CELF2: variants seen among roughly 807,000 people sequenced by gnomAD.
The protein encoded by CELF2 is CUG triplet repeat RNA-binding protein 2.
A neutral mutation model predicts 62.6 loss-of-function variants in CELF2; 8 were observed. The observed-to-expected ratio is 0.13, with a 90% CI of 0.07 to 0.23. CELF2 has a LOEUF of 0.23. Ranked by LOEUF, CELF2 falls within the 10% of genes least tolerant of loss-of-function variation. The pLI, the probability that CELF2 is intolerant of heterozygous loss-of-function variation, is 1.00. For missense variants in CELF2, 333 were observed against 671.0 expected (o/e 0.50, Z 5.56); for synonymous variants, 258 against 250.0 (o/e 1.03, Z -0.30).
At chr10:10,779,665 G>A in the CELF2 span, among the ~76,000 whole-genome samples, 1 of 152,134 alleles carries the variant, frequency 6.6e-6, no homozygotes, top group Non-Finnish European at 1.5e-5. Flanking sequence ...ATTATTTTAA[G>A]GAGATGCTCA....
chr10:11,151,084 A>G (rs1393063425), intron 1 of CELF2, among the ~76,000 whole-genome samples: 2 of 152,222 alleles, frequency 1.3e-5, no homozygotes, highest in African/African-American at 4.8e-5. Context: ...GTTGGTGAGA[A>G]AGGCATGCTG....
Position 11,157,933 on chromosome 10 carries a change from C to T in CELF2, c.75-7553C>T, listed in dbSNP as rs958590774. ...ACCTAGTCTGCAGGGAATCAGATGT[C>T]GTGTGTCTTTCGTTTGCCCCCCTTG... On this transcript the variant is annotated intron_variant, in intron 1 of 12. Transcript: ENST00000633077. This position sits in a 1 kb window ranked among gnomAD's most constrained non-coding sequence, Gnocchi z 4.9. Among the ~76,000 whole-genome samples, 2 of 152,202 alleles carry T rather than the reference C, an allele frequency of 1.3e-5. No individual in the cohort carries two copies. Among genetic ancestry groups the T allele is most frequent in the African/African-American group, 4.8e-5 (2 of 41,440 alleles).
the CELF2 span, among the ~76,000 whole-genome samples, chr10:10,540,866 A>G: frequency 6.6e-6 from 1 of 152,294 alleles, no homozygotes; most frequent in South Asian, 2.1e-4. Context: ...AAAGGAATTC[A>G]GTATCCTGAC....
At chr10:10,691,893 G>A in the CELF2 span, among the ~76,000 whole-genome samples, 1 of 150,034 alleles carries the variant, frequency 6.7e-6, no homozygotes, top group African/African-American at 2.5e-5. Context: ...GTTCATTGTA[G>A]ATTCTGGATA....
the CELF2 span, among the ~76,000 whole-genome samples, chr10:10,535,423 G>A: frequency 3.3e-5 from 5 of 152,134 alleles, no homozygotes; most frequent in East Asian, 1.9e-4. Flanking sequence ...TTGTCCCTTC[G>A]ATTAGGAAGG....
the CELF2 span, among the ~76,000 whole-genome samples, chr10:10,576,078 T>C: frequency 2.6e-5 from 4 of 152,236 alleles, no homozygotes; most frequent in African/African-American, 9.6e-5. Context: ...ATTTCAGGCA[T>C]CTGGCTGCTG....
chr10:10,792,362 G>C, the CELF2 span: 1 of 398,196 alleles, frequency 2.5e-6, no homozygotes, highest in African/African-American at 2.1e-5. Flanking sequence ...GGTAATAATG[G>C]AAGGCCTACC....
At chr10:10,714,255 C>G in the CELF2 span, among the ~76,000 whole-genome samples, 10 of 152,302 alleles carry the variant, frequency 6.6e-5, no homozygotes, top group Admixed American at 1.3e-4. Flanking sequence ...ATGTATACCA[C>G]TGTTATTTCG....
chr10:10,653,210 C>T, the CELF2 span, among the ~76,000 whole-genome samples: 5 of 152,284 alleles, frequency 3.3e-5, no homozygotes, highest in South Asian at 4.2e-4. Context: ...AACCAAGATT[C>T]ATAAAGCAAG....
intron 1 of CELF2, among the ~76,000 whole-genome samples, chr10:11,052,349 T>C (rs1436117057): frequency 1.3e-5 from 2 of 152,226 alleles, no homozygotes; most frequent in African/African-American, 4.8e-5. Flanking sequence ...CAAAGTTAGT[T>C]CAGATAATTC....
At chr10:11,122,616 G>C (rs955692126) in intron 1 of CELF2, among the ~76,000 whole-genome samples, 1 of 152,196 alleles carries the variant, frequency 6.6e-6, no homozygotes, top group Non-Finnish European at 1.5e-5. Context: ...ACGGTTATTA[G>C]GATTTGAGTT....
At chr10:11,108,579 A>G (rs540516696) in intron 1 of CELF2, among the ~76,000 whole-genome samples, 111 of 152,210 alleles carry the variant, frequency 7.3e-4, no homozygotes, top group Middle Eastern at 3.4e-3. Flanking sequence ...GGGAGGGTTC[A>G]TCTGGTTCTG....
intron 2 of CELF2, among the ~76,000 whole-genome samples, chr10:10,988,311 A>C (rs1289294024): frequency 6.6e-6 from 1 of 151,856 alleles, no homozygotes; most frequent in Non-Finnish European, 1.5e-5. Context: ...AGAGAGAGAG[A>C]GAGCATGGAA....
chr10:10,506,309 T>C, the CELF2 span, among the ~76,000 whole-genome samples: 1 of 146,392 alleles, frequency 6.8e-6, no homozygotes, highest in Admixed American at 6.8e-5. Context: ...TGTATCTGTG[T>C]CTGTGTCTAT....
At chr10:10,522,454 G>A in the CELF2 span, among the ~76,000 whole-genome samples, 26 of 152,240 alleles carry the variant, frequency 1.7e-4, no homozygotes, top group South Asian at 2.5e-3. Context: ...AGGAATCACC[G>A]GAACCATGTT....
chr10:10,927,792 T>C (rs2065678549), intron 2 of CELF2, among the ~76,000 whole-genome samples: 1 of 152,174 alleles, frequency 6.6e-6, no homozygotes, highest in South Asian at 2.1e-4. Flanking sequence ...AACTCCCACC[T>C]GAACTGTTAA....
intron 7 of CELF2, among the ~76,000 whole-genome samples, chr10:11,271,710 G>GGT (rs1555038902): frequency 1.1e-5 from 1 of 91,150 alleles, no homozygotes; most frequent in Non-Finnish European, 2.6e-5. Flanking sequence ...CCTCAGAGAG[G>GGT]GTGTCTCTGT....
chr10:10,523,236 G>A, the CELF2 span, among the ~76,000 whole-genome samples: 1 of 152,136 alleles, frequency 6.6e-6, no homozygotes, highest in Admixed American at 6.5e-5. Flanking sequence ...TCAAGCCATC[G>A]AGGTTTAATG....
chr10:11,272,998 G>C (rs1460634138), intron 7 of CELF2, among the ~76,000 whole-genome samples: 5 of 152,122 alleles, frequency 3.3e-5, no homozygotes, highest in Non-Finnish European at 7.3e-5. Flanking sequence ...ACCGAAATAA[G>C]GCCTTGCTAT....
Sources: allele counts gnomAD v4.1 joint callset (sites outside exome capture counted in the v4.1 genomes callset), GRCh38; gene constraint gnomAD v4.1.1; non-coding constraint Gnocchi (gnomAD v3.1); transcripts MANE v1.5; gene names NCBI Gene and HGNC (gene_info 2026-07-23, HGNC 2026-07-21).